RALYL: variants seen among roughly 807,000 people sequenced by gnomAD.
RALYL encodes RALY RNA binding protein like, also known as RNA-binding Raly-like protein.
In RALYL, 29 loss-of-function variants were observed where a neutral mutation model predicts 35.1. The ratio of observed to expected loss-of-function variants is 0.83; its 90% CI spans 0.61 to 1.13. RALYL has a LOEUF of 1.13. Among genes scored for constraint, RALYL ranks in the 50% most tolerant of loss-of-function variants. RALYL has a pLI of 0.00. For synonymous variants in RALYL, 120 were observed against 127.6 expected (o/e 0.94, Z 0.40); for missense variants, 359 against 360.4 (o/e 1.00, Z 0.03).
chr8:84,842,890 C>T (rs887202607), intron 4 of RALYL, among the ~76,000 whole-genome samples: 4 of 152,128 alleles, frequency 2.6e-5, no homozygotes, highest in Admixed American at 2.0e-4. Flanking sequence ...TCAATAGACA[C>T]AGAAAGGCCT....
At chr8:84,484,463 G>A (rs748998785) in intron 1 of RALYL, among the ~76,000 whole-genome samples, 3 of 152,026 alleles carry the variant, frequency 2.0e-5, no homozygotes, top group Non-Finnish European at 4.4e-5. Flanking sequence ...CTCTCAAGTG[G>A]AAGGATAACA....
chr8:84,411,585 A>G (rs1275892725), intron 1 of RALYL, among the ~76,000 whole-genome samples: 1 of 151,904 alleles, frequency 6.6e-6, no homozygotes, highest in African/African-American at 2.4e-5. Context: ...TTACATCTTC[A>G]TCATCTCACC....
intron 1 of RALYL, among the ~76,000 whole-genome samples, chr8:84,403,820 G>T (rs2043187756): frequency 6.6e-6 from 1 of 151,984 alleles, no homozygotes; most frequent in Admixed American, 6.6e-5. Context: ...CATGAGCATG[G>T]AATGTTTTTT....
At chr8:84,739,490 C>T (rs1481042828) in intron 2 of RALYL, among the ~76,000 whole-genome samples, 1 of 151,738 alleles carries the variant, frequency 6.6e-6, no homozygotes, top group Non-Finnish European at 1.5e-5. Context: ...AATGGTTCCA[C>T]CTACACCTTG....
chr8:84,654,223 A>G, intron 2 of RALYL, among the ~76,000 whole-genome samples: 1 of 143,612 alleles, frequency 7.0e-6, no homozygotes, highest in Non-Finnish European at 1.5e-5. Flanking sequence ...TATAAAATTA[A>G]AACAAAACAA....
chr8:84,582,320 C>T (rs1811015032), intron 2 of RALYL, among the ~76,000 whole-genome samples: 1 of 152,010 alleles, frequency 6.6e-6, no homozygotes, highest in African/African-American at 2.4e-5. Flanking sequence ...GTAATGAGAA[C>T]TACTGTTATA....
intron 1 of RALYL, among the ~76,000 whole-genome samples, chr8:84,200,142 A>G (rs9298419): frequency 0.27 from 41,382 of 152,070 alleles, 6,133 homozygotes; most frequent in Middle Eastern, 0.43. Context: ...AGCTTCTGTA[A>G]CAGTATTAGT....
In RALYL at chr8:84,906,424, G is replaced by C. The variant is rs139291766; in HGVS notation, c.859-14470G>C. ...AGAAATTTGTACTTGAACAAGCTAA[G>C]AAAGTCATTAACAGCAGTATTTCTG... is the stretch of plus-strand genomic sequence containing the variant. On this transcript the variant is annotated intron_variant, in intron 8 of 8. Coordinates refer to ENST00000521268, the MANE Select transcript of RALYL (RefSeq NM_173848.7). Among the ~76,000 whole-genome samples, 100 of 152,212 alleles carry C rather than the reference G, an allele frequency of 6.6e-4. 1 individual carries two copies. Among genetic ancestry groups the C allele is most frequent in the Non-Finnish European group, 1.2e-3 (83 of 68,000 alleles).
intron 4 of RALYL, among the ~76,000 whole-genome samples, chr8:84,841,560 G>A (rs1053114631): frequency 7.2e-5 from 11 of 152,060 alleles, no homozygotes; most frequent in Non-Finnish European, 1.0e-4. Context: ...ACAGATCAAC[G>A]AGACAGAAAG....
At chr8:84,841,862 A>G (rs889925928) in intron 4 of RALYL, among the ~76,000 whole-genome samples, 4 of 152,240 alleles carry the variant, frequency 2.6e-5, no homozygotes, top group African/African-American at 9.6e-5. Context: ...CTGCTCCTGA[A>G]TGACTACTGG....
intron 1 of RALYL, among the ~76,000 whole-genome samples, chr8:84,461,715 A>T (rs1249197597): frequency 6.6e-6 from 1 of 151,782 alleles, no homozygotes; most frequent in Non-Finnish European, 1.5e-5. Flanking sequence ...TTGATGTTTA[A>T]TGTATTTACT....
rs1179859252 is a variant in RALYL at position 84,474,112 on chromosome 8, AT to A, written c.-23-55185del. 2.6e-5 allele frequency among the ~76,000 whole-genome samples: 4 copies of A among 152,146 alleles called. No individual in the cohort carries two copies. The East Asian group carries it at 7.7e-4, about 29-fold the overall frequency. ...GATGGGTTTACTTGCTCTTTCAAAA[AT>A]TGATTTATTGCCAGTTTCACCACTG... On this transcript the variant is annotated intron_variant, in intron 1 of 8. Transcript: ENST00000521268.
At chr8:84,642,053 C>A (rs1826468576) in intron 2 of RALYL, among the ~76,000 whole-genome samples, 1 of 151,896 alleles carries the variant, frequency 6.6e-6, no homozygotes, top group Non-Finnish European at 1.5e-5. Context: ...TACTCATTTA[C>A]TTATAAGCCA....
chr8:84,718,768 A>G (rs953826139), intron 2 of RALYL, among the ~76,000 whole-genome samples: 2 of 152,172 alleles, frequency 1.3e-5, no homozygotes, highest in African/African-American at 2.4e-5. Flanking sequence ...CTGTTTAAAA[A>G]AAAAAGAAAA....
chr8:84,244,687 G>A lies in RALYL; in HGVS notation c.-24+60263G>A, dbSNP rs984645723. On this transcript the variant is annotated intron_variant, in intron 1 of 8. Transcript: ENST00000521268. ...CTCAAAAACTGCTTCAAACAAAAAT[G>A]ATCATTTATTATCTTTCACATTTTG... is the stretch of plus-strand genomic sequence containing the variant. 3.9e-5 allele frequency among the ~76,000 whole-genome samples: 6 copies of A among 152,180 alleles called. No individual in the cohort carries two copies. In the South Asian group the frequency reaches 1.2e-3, roughly 32 times the overall value.
intron 2 of RALYL, among the ~76,000 whole-genome samples, chr8:84,588,051 C>T (rs936979579): frequency 6.6e-6 from 1 of 152,094 alleles, no homozygotes; most frequent in African/African-American, 2.4e-5. Context: ...CTCCCCTAAC[C>T]CAAGAGAAAC....
intron 2 of RALYL, among the ~76,000 whole-genome samples, chr8:84,650,926 G>A (rs915531095): frequency 1.6e-3 from 244 of 152,100 alleles, no homozygotes; most frequent in African/African-American, 5.2e-3. Context: ...TTGTAGGGAC[G>A]TGGATGAAAT....
intron 4 of RALYL, among the ~76,000 whole-genome samples, chr8:84,806,580 ATACTGTATCGCTCAGCC>A (rs1824662929): frequency 6.6e-6 from 1 of 151,908 alleles, no homozygotes; most frequent in African/African-American, 2.4e-5. Flanking sequence ...AAAAAAAAAA[ATACTGTATCGCTCAGCC>A]AATGCTCAAA....
At chr8:84,376,708 T>C (rs941566918) in intron 1 of RALYL, among the ~76,000 whole-genome samples, 1 of 151,888 alleles carries the variant, frequency 6.6e-6, no homozygotes, top group African/African-American at 2.4e-5. Context: ...TCCCTGCAGA[T>C]TCTCTTGACC....
Sources: allele counts gnomAD v4.1 joint callset (sites outside exome capture counted in the v4.1 genomes callset), GRCh38; gene constraint gnomAD v4.1.1; transcripts MANE v1.5; gene names NCBI Gene and HGNC (gene_info 2026-07-23, HGNC 2026-07-21).